Variants in RBMS3 observed in about 807,000 individuals in gnomAD.
The protein encoded by RBMS3 is RNA binding motif single stranded interacting protein 3, also known as RNA-binding motif, single-stranded-interacting protein 3.
A neutral mutation model predicts 66.8 loss-of-function variants in RBMS3; 27 were observed. The observed-to-expected ratio is 0.40, with a 90% CI of 0.30 to 0.56. The LOEUF is 0.56. RBMS3 is among the 20% of genes least tolerant of loss of function. The pLI, the probability that RBMS3 is intolerant of heterozygous loss-of-function variation, is 0.40. For missense variants in RBMS3, 513 were observed against 549.5 expected, an observed-to-expected ratio of 0.93 and a Z score of 0.66; for synonymous variants, 188 against 183.0, an observed-to-expected ratio of 1.03 and a Z score of -0.22.
chr3:29,610,497 G>A (rs566422489), intron 4 of RBMS3, among the ~76,000 whole-genome samples: 5 of 151,928 alleles, frequency 3.3e-5, no homozygotes, highest in Admixed American at 6.6e-5. Flanking sequence ...TTCACTTATC[G>A]CCCCTTCTTT....
chr3:29,733,588 T>C (rs2054230239), intron 4 of RBMS3, among the ~76,000 whole-genome samples: 1 of 152,128 alleles, frequency 6.6e-6, no homozygotes, highest in Non-Finnish European at 1.5e-5. Flanking sequence ...TATATCATTG[T>C]GGTTTTGATT....
intron 1 of RBMS3, among the ~76,000 whole-genome samples, chr3:29,383,619 A>G (rs1467008615): frequency 6.6e-6 from 1 of 152,214 alleles, no homozygotes; most frequent in East Asian, 1.9e-4. Flanking sequence ...AGTGTAAAAT[A>G]TCCAGTTCCA....
intron 1 of RBMS3, among the ~76,000 whole-genome samples, chr3:29,296,426 T>C (rs1033310165): frequency 2.0e-5 from 3 of 151,818 alleles, no homozygotes; most frequent in African/African-American, 7.2e-5. Flanking sequence ...TGTTTGGCGC[T>C]GCTTAATCAG....
At chr3:29,740,018 C>A in intron 5 of RBMS3, 141 bp downstream of exon 5, 1 of 625,484 alleles carries the variant, frequency 1.6e-6, no homozygotes, top group Non-Finnish European at 2.5e-6. Flanking sequence ...AATCTGTCAT[C>A]CCTCTGTGTC....
intron 10 of RBMS3, among the ~76,000 whole-genome samples, chr3:29,906,868 G>A (rs1229295596): frequency 2.6e-5 from 4 of 151,974 alleles, no homozygotes; most frequent in African/African-American, 7.3e-5. Context: ...TATATCATAT[G>A]TATGTGTATA....
chr3:29,689,042 T>TA (rs2051859288), intron 4 of RBMS3, among the ~76,000 whole-genome samples: 1 of 152,088 alleles, frequency 6.6e-6, no homozygotes, highest in Non-Finnish European at 1.5e-5. Flanking sequence ...GCTAATCATT[T>TA]AAAAAAATAC....
At position 30,009,791 on chromosome 3, in the gene RBMS3, G is replaced by A. The variant is rs1699910512; in HGVS notation, c.*5929G>A. On this transcript the variant is annotated 3_prime_UTR_variant, in exon 15 of 15. Coordinates refer to ENST00000383767, the MANE Select transcript of RBMS3 (RefSeq NM_001003793.3). ...ATCAAATTTAAACAATGTCCAAAGT[G>A]TAACTTTAATGTTATATTTTGTTTC... 6.6e-6 allele frequency: 1 copy of A among 152,148 alleles called. No individual in the cohort carries two copies. The highest frequency in any genetic ancestry group is 2.4e-5 in the African/African-American group (1 of 41,456). The allele number at this position is 152,148 out of a possible 1,614,324, so 9.4% of individuals were successfully genotyped here.
intron 6 of RBMS3, among the ~76,000 whole-genome samples, chr3:29,841,027 A>G (rs1479147836): frequency 6.6e-6 from 1 of 151,884 alleles, no homozygotes; most frequent in Non-Finnish European, 1.5e-5. Context: ...ATAAATTTAT[A>G]TGCTCTGCCA....
chr3:29,653,319 A>T (rs1374660068), intron 4 of RBMS3, among the ~76,000 whole-genome samples: 1 of 152,142 alleles, frequency 6.6e-6, no homozygotes, highest in Non-Finnish European at 1.5e-5. Context: ...ATAGGTTTTG[A>T]GTAGAAACTA....
chr3:29,887,288 G>T (rs2059894346), intron 8 of RBMS3, among the ~76,000 whole-genome samples: 1 of 151,798 alleles, frequency 6.6e-6, no homozygotes, highest in East Asian at 1.9e-4. Flanking sequence ...ATATGGTTAG[G>T]CTTTGTGTCC....
chr3:29,911,718 T>C (rs1285162460), intron 10 of RBMS3, among the ~76,000 whole-genome samples: 1 of 152,042 alleles, frequency 6.6e-6, no homozygotes, highest in Non-Finnish European at 1.5e-5. Flanking sequence ...AATGCTTCGT[T>C]GCTAAGTTAT....
chr3:29,855,064 T>C (rs1352849985), intron 6 of RBMS3, among the ~76,000 whole-genome samples: 1 of 152,218 alleles, frequency 6.6e-6, no homozygotes, highest in African/African-American at 2.4e-5. Context: ...TAAAAGTTAT[T>C]CCCCTGTTTA....
chr3:29,335,020 G>A (rs1221488398), intron 1 of RBMS3, among the ~76,000 whole-genome samples: 1 of 152,012 alleles, frequency 6.6e-6, no homozygotes, highest in Non-Finnish European at 1.5e-5. Context: ...CATCAGTTAT[G>A]TTTTAATAGC....
intron 4 of RBMS3, among the ~76,000 whole-genome samples, chr3:29,738,616 A>G (rs1348050): frequency 0.41 from 61,680 of 152,076 alleles, 12,756 homozygotes; most frequent in South Asian, 0.51. Context: ...GTATATAAAT[A>G]TTTAGGCTTG....
intron 4 of RBMS3, among the ~76,000 whole-genome samples, chr3:29,687,321 A>C (rs1229316579): frequency 6.6e-6 from 1 of 152,236 alleles, no homozygotes; most frequent in Admixed American, 6.5e-5. Flanking sequence ...CTGATGTTCA[A>C]AGCCATGTGT....
rs918993522 is a variant in RBMS3 at position 29,505,511 on chromosome 3, T to A, written c.307+17012T>A. Among the ~76,000 whole-genome samples the A allele has an allele frequency of 2.6e-5, 3 of 117,442 alleles. No homozygotes were observed. In the South Asian group the frequency reaches 8.5e-4, roughly 33 times the overall value. 77.0% of individuals were successfully genotyped at this position (117,442 alleles called of 152,430 possible). On this transcript the variant is annotated intron_variant, in intron 3 of 14. Coordinates refer to ENST00000383767, the MANE Select transcript of RBMS3 (RefSeq NM_001003793.3). ...AGTGTGATGCCTTCAATTTTGTTTT[T>A]TTTTTTTGTTGTTTGTTTGTTTGTT...
intron 4 of RBMS3, among the ~76,000 whole-genome samples, chr3:29,640,796 C>T (rs1397949918): frequency 6.6e-6 from 1 of 151,850 alleles, no homozygotes; most frequent in South Asian, 2.1e-4. Context: ...CTAAAATATT[C>T]CATTTCTGCT....
chr3:29,972,213 T>C (rs1162245514), intron 12 of RBMS3, among the ~76,000 whole-genome samples: 1 of 152,086 alleles, frequency 6.6e-6, no homozygotes, highest in Non-Finnish European at 1.5e-5. Context: ...TTTCTTTACT[T>C]TGAACTCCTC....
intron 1 of RBMS3, among the ~76,000 whole-genome samples, chr3:29,331,815 C>CTTTTTTT (rs11354452): frequency 7.2e-5 from 5 of 69,690 alleles, no homozygotes; most frequent in Admixed American, 2.0e-4. Flanking sequence ...AGGATAGCTC[C>CTTTTTTT]TTTTTTTTTT....
Sources: allele counts gnomAD v4.1 joint callset (sites outside exome capture counted in the v4.1 genomes callset), GRCh38; gene constraint gnomAD v4.1.1; transcripts MANE v1.5; gene names NCBI Gene and HGNC (gene_info 2026-07-23, HGNC 2026-07-21).